Variants in MACROD2 observed in about 807,000 individuals in gnomAD.
The protein encoded by MACROD2 is ADP-ribose glycohydrolase MACROD2.
Under a neutral mutation model 70.4 loss-of-function variants are expected in MACROD2, and 36 were observed. The ratio of observed to expected loss-of-function variants is 0.51; its 90% CI spans 0.39 to 0.68. The LOEUF is 0.68. MACROD2 is among the 30% of genes least tolerant of loss of function. The probability of loss-of-function intolerance (pLI) is 0.00; values close to 1 mark genes in which losing one functional copy is unlikely to be tolerated. For missense variants in MACROD2, 496 were observed against 538.4 expected, an observed-to-expected ratio of 0.92 and a Z score of 0.78; for synonymous variants, 172 against 178.8, an observed-to-expected ratio of 0.96 and a Z score of 0.30.
At position 14,002,431 on chromosome 20, in the gene MACROD2, T is replaced by G. The variant is rs1414016239; in HGVS notation, c.163+27T>G. On this transcript the variant is annotated intron_variant, in intron 2 of 17. Coordinates refer to ENST00000684519, the MANE Select transcript of MACROD2 (RefSeq NM_001351661.2). ...TAAGTTTCTCGGAACATTTTTTAGG[T>G]AGATATTTTTCCCATTTTAGGACAA... The G allele has an allele frequency of 3.5e-6, 5 of 1,434,716 alleles. No homozygotes were observed. In the African/African-American group the frequency reaches 4.3e-5, roughly 12 times the overall value. The allele number at this position is 1,434,716 out of a possible 1,614,324, so 88.9% of individuals were successfully genotyped here.
chr20:16,043,217 G>C (rs1456785268), intron 16 of MACROD2, among the ~76,000 whole-genome samples: 1 of 152,044 alleles, frequency 6.6e-6, no homozygotes, highest in Non-Finnish European at 1.5e-5. Flanking sequence ...TGGCTAACTA[G>C]AAGTGGGGCA....
chr20:15,589,172 C>T (rs2048644151), intron 8 of MACROD2, among the ~76,000 whole-genome samples: 1 of 152,070 alleles, frequency 6.6e-6, no homozygotes, highest in Non-Finnish European at 1.5e-5. Context: ...CTAATAAAAC[C>T]ATCAGATCTC....
chr20:14,120,355 T>A (rs1209730996), intron 3 of MACROD2, among the ~76,000 whole-genome samples: 1 of 151,848 alleles, frequency 6.6e-6, no homozygotes, highest in African/African-American at 2.4e-5. Context: ...TGGTGATTAT[T>A]AAAAAGTCAG....
intron 8 of MACROD2, among the ~76,000 whole-genome samples, chr20:15,656,529 T>A (rs1260391526): frequency 6.6e-6 from 1 of 152,198 alleles, no homozygotes; most frequent in Non-Finnish European, 1.5e-5. Context: ...TATCTCTGAA[T>A]ATTGGATAAA....
chr20:15,696,678 G>GTTTTTTTTTTTTTTTTTTTTTT, intron 8 of MACROD2, among the ~76,000 whole-genome samples: 1 of 88,756 alleles, frequency 1.1e-5, no homozygotes, highest in Non-Finnish European at 2.3e-5. Flanking sequence ...TAGTCCTGGA[G>GTTTTTTTTTTTTTTTTTTTTTT]TTTTTTTTTT....
At chr20:15,289,189 A>T (rs2077519664) in intron 6 of MACROD2, among the ~76,000 whole-genome samples, 1 of 152,196 alleles carries the variant, frequency 6.6e-6, no homozygotes, top group Non-Finnish European at 1.5e-5. Flanking sequence ...AATGTCAAGC[A>T]GTCAAGTAGC....
intron 8 of MACROD2, among the ~76,000 whole-genome samples, chr20:15,631,641 ACAGGGCTTGGG>A (rs1253936762): frequency 6.6e-6 from 1 of 152,180 alleles, no homozygotes; most frequent in Non-Finnish European, 1.5e-5. Context: ...GTCTGGAGGG[ACAGGGCTTGGG>A]CAGGGGAATG....
intron 15 of MACROD2, among the ~76,000 whole-genome samples, chr20:16,038,108 T>A (rs2067259027): frequency 1.3e-5 from 2 of 152,034 alleles, no homozygotes; most frequent in African/African-American, 4.8e-5. Flanking sequence ...ATTTTTGTTA[T>A]GAATTTATCT....
intron 7 of MACROD2, among the ~76,000 whole-genome samples, chr20:15,450,912 A>G (rs888945803): frequency 1.3e-5 from 2 of 152,158 alleles, no homozygotes; most frequent in African/African-American, 2.4e-5. Context: ...ACAAAATGGA[A>G]TTGCGTCCAT....
chr20:14,729,833 C>T (rs1427678612), intron 5 of MACROD2, among the ~76,000 whole-genome samples: 1 of 151,502 alleles, frequency 6.6e-6, no homozygotes, highest in Non-Finnish European at 1.5e-5. Flanking sequence ...ATCTAGGATC[C>T]ACAAAAGCAG....
At chr20:14,926,368 T>G (rs948065520) in intron 5 of MACROD2, among the ~76,000 whole-genome samples, 6 of 151,858 alleles carry the variant, frequency 4.0e-5, no homozygotes, top group Non-Finnish European at 8.8e-5. Context: ...GCCAACATGG[T>G]GAATCCCCGT....
chr20:14,939,158 T>C (rs1271206554), intron 5 of MACROD2, among the ~76,000 whole-genome samples: 5 of 152,012 alleles, frequency 3.3e-5, no homozygotes, highest in Admixed American at 2.6e-4. Flanking sequence ...TGAAATCTTA[T>C]GCAAAAAGTC....
rs140087361 is a variant in MACROD2 at position 14,887,094 on chromosome 20, G to A, written c.418+202135G>A. Reference sequence around the variant, plus strand: ...AACAAGACAAAATAGCCATATCATAGTATATTTATTACAAAAATTCATGTC... The same window carrying A: ...AACAAGACAAAATAGCCATATCATAATATATTTATTACAAAAATTCATGTC... On this transcript the variant is annotated intron_variant, in intron 5 of 17. Coordinates refer to ENST00000684519, the MANE Select transcript of MACROD2 (RefSeq NM_001351661.2). Among the ~76,000 whole-genome samples, 70 of 152,198 alleles carry A rather than the reference G, an allele frequency of 4.6e-4. No individual in the cohort carries two copies. In the East Asian group the frequency reaches 0.013, roughly 28 times the overall value.
intron 15 of MACROD2, among the ~76,000 whole-genome samples, chr20:16,010,181 G>A (rs2066844331): frequency 6.6e-6 from 1 of 152,162 alleles, no homozygotes; most frequent in Non-Finnish European, 1.5e-5. Flanking sequence ...AGGAGAGGGA[G>A]AGCATGTGAG....
At chr20:14,544,733 C>T (rs1282285004) in intron 4 of MACROD2, among the ~76,000 whole-genome samples, 1 of 152,106 alleles carries the variant, frequency 6.6e-6, no homozygotes. Flanking sequence ...ATAAGGAAGG[C>T]AACTGGAGCT....
chr20:14,706,669 G>C lies in MACROD2; in HGVS notation c.418+21710G>C, dbSNP rs76708341. ...TTTCAAACTGCAACCAGCCCGGCTGGGCAGACAGCCCTCTCCTTTTGCTCC... is the reference window on the plus strand; with the variant it reads ...TTTCAAACTGCAACCAGCCCGGCTGCGCAGACAGCCCTCTCCTTTTGCTCC... On this transcript the variant is annotated intron_variant, in intron 5 of 17. Transcript: ENST00000684519. 3.3e-3 allele frequency among the ~76,000 whole-genome samples: 507 copies of C among 152,082 alleles called. 3 individuals are homozygous for C. Among genetic ancestry groups the C allele is most frequent in the African/African-American group, 0.011 (445 of 41,502 alleles).
At chr20:14,270,701 A>C (rs1274117547) in intron 3 of MACROD2, among the ~76,000 whole-genome samples, 3 of 152,106 alleles carry the variant, frequency 2.0e-5, no homozygotes, top group Non-Finnish European at 4.4e-5. Context: ...TCATCCTTTC[A>C]AGACACTTCA....
At chr20:15,371,817 T>C (rs1485917051) in intron 6 of MACROD2, among the ~76,000 whole-genome samples, 2 of 152,178 alleles carry the variant, frequency 1.3e-5, no homozygotes, top group Non-Finnish European at 2.9e-5. Context: ...GAAATCCCTT[T>C]TTTAAAACCC....
intron 5 of MACROD2, among the ~76,000 whole-genome samples, chr20:15,109,615 G>T (rs4618118): frequency 0.29 from 44,026 of 151,996 alleles, 7,821 homozygotes; most frequent in Non-Finnish European, 0.41. Context: ...TAAGGTAGGG[G>T]ATTAGAAAAA....
Sources: allele counts gnomAD v4.1 joint callset (sites outside exome capture counted in the v4.1 genomes callset), GRCh38; gene constraint gnomAD v4.1.1; transcripts MANE v1.5; gene names NCBI Gene and HGNC (gene_info 2026-07-23, HGNC 2026-07-21).